The following LAMA2 variants were observed in gnomAD, a reference collection of about 807,000 sequenced individuals.
The protein encoded by LAMA2 is laminin subunit alpha-2.
A neutral mutation model predicts 364.8 loss-of-function variants in LAMA2; 269 were observed. The ratio of observed to expected loss-of-function variants is 0.74; its 90% CI spans 0.67 to 0.82. The LOEUF (loss-of-function observed/expected upper bound fraction) is 0.82, where lower values mean the gene tolerates loss of function less well. Among genes scored for constraint, LAMA2 ranks in the 40% least tolerant of loss-of-function variants. LAMA2 has a pLI of 0.00. For missense variants in LAMA2, 3,807 were observed against 3,873.2 expected (o/e 0.98, Z 0.45); for synonymous variants, 1,379 against 1,370.6 (o/e 1.01, Z -0.14).
At chr6:129,164,935 T>C (rs1779648540) in intron 8 of LAMA2, among the ~76,000 whole-genome samples, 1 of 152,218 alleles carries the variant, frequency 6.6e-6, no homozygotes, top group Non-Finnish European at 1.5e-5. Flanking sequence ...GTATATAAAA[T>C]ATGCCTTACC....
intron 35 of LAMA2, among the ~76,000 whole-genome samples, chr6:129,386,288 A>G (rs1356729192): frequency 6.6e-6 from 1 of 152,090 alleles, no homozygotes; most frequent in Non-Finnish European, 1.5e-5. Flanking sequence ...AAACACATTC[A>G]TCTTTAAGAA....
At chr6:129,307,220 A>G (rs547688888) in intron 22 of LAMA2, among the ~76,000 whole-genome samples, 1 of 152,324 alleles carries the variant, frequency 6.6e-6, no homozygotes, top group South Asian at 2.1e-4. Flanking sequence ...TGAGAATACT[A>G]CCTAGTTGGT....
chr6:129,063,935 T>C lies in LAMA2; in HGVS notation c.396+4039T>C, dbSNP rs1211618655. On this transcript the variant is annotated intron_variant, in intron 3 of 64. Transcript: ENST00000421865. Reference sequence around the variant, plus strand: ...CATTAATGTAATGGTTAAACATTTCTGCAATAATAAAACATAAAATACGTG... The same window carrying C: ...CATTAATGTAATGGTTAAACATTTCCGCAATAATAAAACATAAAATACGTG... 2.0e-5 allele frequency among the ~76,000 whole-genome samples: 3 copies of C among 152,178 alleles called. No homozygotes were observed. In the East Asian group the frequency reaches 5.8e-4, roughly 29 times the overall value.
At chr6:129,045,874 C>A (rs1276393736) in intron 1 of LAMA2, among the ~76,000 whole-genome samples, 1 of 152,140 alleles carries the variant, frequency 6.6e-6, no homozygotes, top group Non-Finnish European at 1.5e-5. Context: ...CTTACCCATA[C>A]CTGCAAAACA....
intron 1 of LAMA2, among the ~76,000 whole-genome samples, chr6:128,887,760 C>A (rs1262572964): frequency 6.6e-6 from 1 of 152,090 alleles, no homozygotes; most frequent in Non-Finnish European, 1.5e-5. Flanking sequence ...ATCCCAGCTA[C>A]TCAGGAGGCT....
At chr6:129,240,206 A>T (rs1785305404) in intron 12 of LAMA2, among the ~76,000 whole-genome samples, 1 of 152,186 alleles carries the variant, frequency 6.6e-6, no homozygotes, top group East Asian at 1.9e-4. Context: ...GCTTTATCCT[A>T]GCCACGCTGG....
At chr6:129,057,852 G>A (rs1788596805) in intron 2 of LAMA2, among the ~76,000 whole-genome samples, 2 of 152,164 alleles carry the variant, frequency 1.3e-5, no homozygotes, top group African/African-American at 2.4e-5. Flanking sequence ...TGTTCCTTAT[G>A]TGAGGTATTC....
chr6:129,079,625 A>T (rs115593469), intron 3 of LAMA2, among the ~76,000 whole-genome samples: 86 of 151,440 alleles, frequency 5.7e-4, no homozygotes, highest in African/African-American at 2.0e-3. Flanking sequence ...ATTTTCAGTC[A>T]TCGTTTCCCA....
intron 1 of LAMA2, among the ~76,000 whole-genome samples, chr6:128,977,114 A>G (rs979569907): frequency 7.4e-6 from 1 of 135,618 alleles, no homozygotes; most frequent in African/African-American, 2.8e-5. Flanking sequence ...TCGCATTGCT[A>G]CATTATCAAT....
chr6:129,334,924 C>G (rs1775862763), intron 29 of LAMA2, among the ~76,000 whole-genome samples: 1 of 152,172 alleles, frequency 6.6e-6, no homozygotes, highest in South Asian at 2.1e-4. Flanking sequence ...GACAGGATTT[C>G]AACATACAAA....
intron 7 of LAMA2, among the ~76,000 whole-genome samples, chr6:129,149,569 C>A (rs1158022468): frequency 6.6e-6 from 1 of 151,998 alleles, no homozygotes; most frequent in African/African-American, 2.4e-5. Flanking sequence ...CTTTGAATAA[C>A]AAATTAACTC....
rs1779204690 is a variant in LAMA2, at chr6:129,157,782, C to A, written c.1206+3099C>A. On this transcript the variant is annotated intron_variant, in intron 8 of 64. Coordinates refer to ENST00000421865, the MANE Select transcript of LAMA2 (RefSeq NM_000426.4). ...CAATTGGTAGTCTTCCACGATCCCTCCTGTGATACAACGACGAGCCATCTC... is the reference window on the plus strand; with the variant it reads ...CAATTGGTAGTCTTCCACGATCCCTACTGTGATACAACGACGAGCCATCTC... The A allele has an allele frequency of 6.8e-6, 11 of 1,613,174 alleles. No homozygotes were observed. The Middle Eastern group carries it at 9.9e-4, about 145-fold the overall frequency.
At chr6:129,210,597 CT>C (rs1783031906) in intron 12 of LAMA2, among the ~76,000 whole-genome samples, 1 of 152,170 alleles carries the variant, frequency 6.6e-6, no homozygotes, top group Non-Finnish European at 1.5e-5. Flanking sequence ...AGAAGAGTTT[CT>C]AGCTCTTTCT....
At chr6:129,342,206 AGTGTGTGTGTGAGT>A in intron 29 of LAMA2, 123 bp from the exon 30 acceptor site, 1 of 707,384 alleles carries the variant, frequency 1.4e-6, no homozygotes, top group South Asian at 1.6e-5. Flanking sequence ...TCAGTGATAA[AGTGTGTGTGTGAGT>A]GTGTGTGTGT....
At chr6:129,005,218 A>G (rs901060311) in intron 1 of LAMA2, among the ~76,000 whole-genome samples, 1 of 152,118 alleles carries the variant, frequency 6.6e-6, no homozygotes, top group Middle Eastern at 3.4e-3. Flanking sequence ...TTAGACCTAT[A>G]TAAGGCAGTA....
chr6:129,416,105 C>T lies in LAMA2; in HGVS notation c.5866-11647C>T, dbSNP rs1013769077. Among the ~76,000 whole-genome samples the T allele has an allele frequency of 8.2e-5, 8 of 97,302 alleles. 3 individuals are homozygous for T. Among genetic ancestry groups the T allele is most frequent in the East Asian group, 6.8e-4 (2 of 2,938 alleles). The allele number at this position is 97,302 out of a possible 152,430, so 63.8% of individuals were successfully genotyped here. ...CTGGGACTACAGGCGCCCGCCACTA[C>T]GCCCGGCTAATTTTTTTGTATTTTT... is the stretch of plus-strand genomic sequence containing the variant. On this transcript the variant is annotated intron_variant, in intron 40 of 64. Coordinates refer to ENST00000421865, the MANE Select transcript of LAMA2 (RefSeq NM_000426.4).
chr6:129,101,527 A>G (rs1043257550), intron 4 of LAMA2, among the ~76,000 whole-genome samples: 4 of 152,136 alleles, frequency 2.6e-5, no homozygotes, highest in African/African-American at 9.7e-5. Context: ...TTTGTTCTTC[A>G]GTAGTTTTAC....
At chr6:128,889,052 G>A (rs1365002225) in intron 1 of LAMA2, among the ~76,000 whole-genome samples, 3 of 152,170 alleles carry the variant, frequency 2.0e-5, no homozygotes, top group African/African-American at 7.2e-5. Flanking sequence ...GCAACTCAGT[G>A]CTATTCCATT....
intron 40 of LAMA2, among the ~76,000 whole-genome samples, chr6:129,406,151 C>T (rs190424693): frequency 6.6e-6 from 1 of 152,208 alleles, no homozygotes; most frequent in East Asian, 1.9e-4. Context: ...ATAATTAAGA[C>T]AATGTTTAAA....
Sources: gnomAD v4.1 joint callset for allele counts (sites outside exome capture counted in the v4.1 genomes callset) on GRCh38, gnomAD v4.1.1 for gene constraint, MANE v1.5 for transcripts, NCBI Gene and HGNC (gene_info 2026-07-23, HGNC 2026-07-21) for gene names.